SLIT3: variants seen among roughly 807,000 people sequenced by gnomAD.
SLIT3 encodes slit guidance ligand 3, also known as slit homolog 3 protein.
A neutral mutation model predicts 184.0 loss-of-function variants in SLIT3; 68 were observed. The observed-to-expected ratio is 0.37, with a 90% CI of 0.30 to 0.45. The LOEUF is 0.45. Among genes scored for constraint, SLIT3 ranks in the 20% least tolerant of loss-of-function variants. SLIT3 has a pLI of 1.00. For missense variants in SLIT3, 1,707 were observed against 2,026.0 expected, an observed-to-expected ratio of 0.84 and a Z score of 3.02; for synonymous variants, 831 against 828.6, an observed-to-expected ratio of 1.00 and a Z score of -0.05.
chr5:168,794,469 T>G (rs1466819577), intron 10 of SLIT3, among the ~76,000 whole-genome samples: 1 of 152,154 alleles, frequency 6.6e-6, no homozygotes, highest in East Asian at 1.9e-4. Flanking sequence ...GGAAGAATGA[T>G]GACATTGTCA....
intron 25 of SLIT3, among the ~76,000 whole-genome samples, chr5:168,709,693 G>A (rs566413242): frequency 1.3e-5 from 2 of 152,174 alleles, no homozygotes; most frequent in African/African-American, 4.8e-5. Flanking sequence ...TAATTAAAGT[G>A]TATCTATATA....
chr5:168,869,937 G>T (rs543866456), intron 5 of SLIT3, among the ~76,000 whole-genome samples: 24 of 152,222 alleles, frequency 1.6e-4, no homozygotes, highest in Admixed American at 1.6e-3. Flanking sequence ...AATAGCTGTC[G>T]GTGTAAATGG....
rs112675621 is a variant in SLIT3 at position 169,300,886 on chromosome 5, C to G, written c.-177G>C. On this transcript the variant is annotated 5_prime_UTR_variant, in exon 1 of 36. Coordinates refer to ENST00000519560, the MANE Select transcript of SLIT3 (RefSeq NM_003062.4). The surrounding 1 kb of genome is among the most constrained non-coding windows in gnomAD (Gnocchi z 4.1). ...CGCGGGCGGAGCGGGGCGCTCCGGG[C>G]GGCGGCGGCGGCAGCAACAGCAGCT... 2.5e-6 allele frequency: 1 copy of G among 395,164 alleles called. No homozygotes were observed. The highest frequency in any genetic ancestry group is 5.1e-5 in the Admixed American group (1 of 19,418). The allele number at this position is 395,164 out of a possible 1,614,324, so 24.5% of individuals were successfully genotyped here.
intron 12 of SLIT3, among the ~76,000 whole-genome samples, chr5:168,781,894 TCA>T (rs1561929890): frequency 6.6e-6 from 1 of 152,190 alleles, no homozygotes; most frequent in Non-Finnish European, 1.5e-5. Context: ...CACTTAACCC[TCA>T]GTTTCCCCCT....
At chr5:169,286,325 T>C (rs1020293924) in intron 1 of SLIT3, among the ~76,000 whole-genome samples, 1 of 151,262 alleles carries the variant, frequency 6.6e-6, no homozygotes, top group Non-Finnish European at 1.5e-5. Context: ...AAACATCTTT[T>C]TTTTTCTTAA....
chr5:168,796,677 G>A (rs563407288), intron 9 of SLIT3, among the ~76,000 whole-genome samples: 1 of 152,288 alleles, frequency 6.6e-6, no homozygotes, highest in South Asian at 2.1e-4. Flanking sequence ...ATTTCTGGCT[G>A]GGATGAACCC....
At chr5:169,039,158 T>G (rs1757360714) in intron 4 of SLIT3, among the ~76,000 whole-genome samples, 2 of 152,070 alleles carry the variant, frequency 1.3e-5, no homozygotes, top group Non-Finnish European at 2.9e-5. Flanking sequence ...AGGATGGTGT[T>G]GCACACTGGG....
At chr5:168,757,502 C>G (rs558549524) in intron 16 of SLIT3, among the ~76,000 whole-genome samples, 1 of 151,754 alleles carries the variant, frequency 6.6e-6, no homozygotes, top group African/African-American at 2.4e-5. Context: ...GGTGGGATCT[C>G]GGCTCACTGG....
At chr5:168,898,430 T>C (rs1760760464) in intron 4 of SLIT3, among the ~76,000 whole-genome samples, 1 of 151,140 alleles carries the variant, frequency 6.6e-6, no homozygotes, top group Non-Finnish European at 1.5e-5. Flanking sequence ...CCAGCTCCTC[T>C]CTTCTCTTAA....
chr5:169,102,575 C>T (rs188836261), intron 4 of SLIT3, among the ~76,000 whole-genome samples: 1 of 152,084 alleles, frequency 6.6e-6, no homozygotes, highest in Non-Finnish European at 1.5e-5. Flanking sequence ...TTTTTATTAT[C>T]GTATTATTTT....
intron 5 of SLIT3, among the ~76,000 whole-genome samples, chr5:168,858,218 G>A (rs1029848208): frequency 2.6e-5 from 4 of 152,194 alleles, no homozygotes; most frequent in Non-Finnish European, 4.4e-5. Context: ...AGCCATCCCC[G>A]GGGATAGTCC....
At chr5:168,865,169 G>A (rs866126831) in intron 5 of SLIT3, among the ~76,000 whole-genome samples, 70 of 87,712 alleles carry the variant, frequency 8.0e-4, no homozygotes, top group South Asian at 7.9e-3. Flanking sequence ...GTGAAACTCC[G>A]TCTCAAAAAA....
At chr5:168,783,727 A>C (rs945851157) in intron 12 of SLIT3, among the ~76,000 whole-genome samples, 2 of 152,160 alleles carry the variant, frequency 1.3e-5, no homozygotes, top group Non-Finnish European at 2.9e-5. Flanking sequence ...GCTGAACACT[A>C]AATTAGATCG....
chr5:168,670,564 T>C (rs1352604281), intron 34 of SLIT3, among the ~76,000 whole-genome samples: 1 of 152,216 alleles, frequency 6.6e-6, no homozygotes, highest in East Asian at 1.9e-4. Context: ...ATCCGTATTA[T>C]AGAGTCAAAC....
intron 4 of SLIT3, chr5:169,017,719 A>G (rs17070730): frequency 0.11 from 16,985 of 152,208 alleles, 2,503 homozygotes; most frequent in African/African-American, 0.34. Flanking sequence ...AAAGGGGTGT[A>G]AATAAGCAGT....
chr5:168,785,867 C>A, intron 12 of SLIT3, 40 bp downstream of exon 12: 1 of 1,464,384 alleles, frequency 6.8e-7, no homozygotes, highest in South Asian at 1.1e-5. Flanking sequence ...AGCCTTCCGA[C>A]AGTACCAAAG....
intron 5 of SLIT3, among the ~76,000 whole-genome samples, chr5:168,875,205 G>A (rs986133638): frequency 9.4e-5 from 13 of 138,186 alleles, no homozygotes; most frequent in Admixed American, 2.3e-4. Context: ...AGAGAGAAAG[G>A]GGGGAAGAGG....
At chr5:168,912,632 T>C (rs1425548913) in intron 4 of SLIT3, among the ~76,000 whole-genome samples, 1 of 152,208 alleles carries the variant, frequency 6.6e-6, no homozygotes, top group African/African-American at 2.4e-5. Context: ...CAGCAAAGTT[T>C]GGGTGTATAT....
chr5:169,102,748 C>T (rs1760065706), intron 4 of SLIT3, among the ~76,000 whole-genome samples: 1 of 151,984 alleles, frequency 6.6e-6, no homozygotes, highest in Non-Finnish European at 1.5e-5. Context: ...CTGGAATATC[C>T]AAATCTCCTA....
Sources: allele counts gnomAD v4.1 joint callset (sites outside exome capture counted in the v4.1 genomes callset), GRCh38; gene constraint gnomAD v4.1.1; non-coding constraint Gnocchi (gnomAD v3.1); transcripts MANE v1.5; gene names NCBI Gene and HGNC (gene_info 2026-07-23, HGNC 2026-07-21).